ODF4: variants seen among roughly 807,000 people sequenced by gnomAD.
The protein encoded by ODF4 is outer dense fiber protein 4.
ODF4 carries 11 observed loss-of-function variants against 17.0 expected under a neutral mutation model. That is an observed-to-expected ratio of 0.65 (90% CI 0.41 to 1.07). ODF4 has a LOEUF of 1.07. Ranked by LOEUF, ODF4 falls within the 50% of genes least tolerant of loss-of-function variation. ODF4 has a pLI of 0.00. For missense variants in ODF4, 281 were observed against 310.2 expected (o/e 0.91, Z 0.71); for synonymous variants, 127 against 121.8 (o/e 1.04, Z -0.28).
rs1242662627 is a variant in ODF4, at chr17:8,345,257, G to A, written c.455-86G>A. 7.8e-7 allele frequency: 1 copy of A among 1,277,868 alleles called. No individual in the cohort carries two copies. The highest frequency in any genetic ancestry group is 1.1e-6 in the Non-Finnish European group (1 of 899,192). The allele number at this position is 1,277,868 out of a possible 1,614,324, so 79.2% of individuals were successfully genotyped here. ...CAGTCACTCTGTGTGTGGTGATGTG[G>A]TTTGTGGCTGTAGCCTAGCAGATGA... On this transcript the variant is annotated intron_variant, in intron 1 of 2. Coordinates refer to ENST00000328248, the MANE Select transcript of ODF4 (RefSeq NM_153007.5). The surrounding 1 kb of genome is among the most constrained non-coding windows in gnomAD (Gnocchi z 4.1).
chr17:8,343,815 AGTGTGTGTGT>A lies in ODF4; in HGVS notation c.455-1503_455-1494del, dbSNP rs61128515. Reference sequence around the variant, plus strand: ...AGGTGTGAGCCACCGCACCCAGCCAAGTGTGTGTGTGTGTGTGTGTGTGTGTGTGTGTGTC... The same window carrying A: ...AGGTGTGAGCCACCGCACCCAGCCAAGTGTGTGTGTGTGTGTGTGTGTGTC... On this transcript the variant is annotated intron_variant, in intron 1 of 2. Transcript: ENST00000328248. Among the ~76,000 whole-genome samples, 4 of 90,630 alleles carry A rather than the reference AGTGTGTGTGT, an allele frequency of 4.4e-5. 1 individual carries two copies. Among genetic ancestry groups the A allele is most frequent in the Non-Finnish European group, 2.2e-5 (1 of 45,660 alleles). 59.5% of individuals were successfully genotyped at this position (90,630 alleles called of 152,430 possible).
intron 1 of ODF4, among the ~76,000 whole-genome samples, chr17:8,341,066 C>T (rs1388117737): frequency 3.3e-5 from 5 of 151,742 alleles, no homozygotes; most frequent in Non-Finnish European, 7.4e-5. Flanking sequence ...GGCACATGCC[C>T]GTAATCCCAG....
At position 8,340,131 on chromosome 17, in the gene ODF4, G is replaced by C; in HGVS notation, c.80G>C (p.Arg27Thr). 1.3e-6 allele frequency: 2 copies of C among 1,558,370 alleles called. No individual in the cohort carries two copies. The highest frequency in any genetic ancestry group is 1.7e-6 in the Non-Finnish European group (2 of 1,154,386). The stretch of plus-strand genomic sequence containing the variant: ...CAACATCAGAGACCTGGAAAGGAAA[G>C]GAAGAGTGGGGAGGCAGGATGGGGC... ...RDQHQRPGKERKSGEAGWGTG... is the reference protein window; with the variant it reads ...RDQHQRPGKETKSGEAGWGTG... Residue 27 changes from arginine (R) to threonine (T), a missense_variant, in exon 1 of 3, where the codon AGG becomes ACG. Arg to Thr is a moderately conservative substitution (Grantham distance 71). Coordinates refer to ENST00000328248, the MANE Select transcript of ODF4 (RefSeq NM_153007.5).
chr17:8,342,333 C>G (rs1344855389), intron 1 of ODF4, among the ~76,000 whole-genome samples: 1 of 152,116 alleles, frequency 6.6e-6, no homozygotes. Flanking sequence ...ACCTCTGCCT[C>G]CCGGTTTCAA....
At position 8,339,958 on chromosome 17, in the gene ODF4, C is replaced by T. The variant is rs1905936362; in HGVS notation, c.-94C>T. Reference sequence around the variant, plus strand: ...TCATTCTTTCTCAGACCTCAGGCTGCATGGTGGCAGCTGATGAAAATATCC... The same window carrying T: ...TCATTCTTTCTCAGACCTCAGGCTGTATGGTGGCAGCTGATGAAAATATCC... On this transcript the variant is annotated 5_prime_UTR_variant, in exon 1 of 3. Transcript: ENST00000328248. The T allele has an allele frequency of 1.3e-6, 1 of 743,322 alleles. No individual in the cohort carries two copies. 46.0% of individuals were successfully genotyped at this position (743,322 alleles called of 1,614,324 possible).
Position 8,345,439 on chromosome 17 carries a change from T to C in ODF4, c.551T>C (p.Phe184Ser). The change falls in exon 2 of 3, where the codon TTC becomes TCC. Residue 184 changes from phenylalanine (F) to serine (S), a missense_variant. Phe to Ser is a radical substitution (Grantham distance 155). Transcript: ENST00000328248. The surrounding 1 kb of genome is among the most constrained non-coding windows in gnomAD (Gnocchi z 4.1). ...TCCATCCCCATAGGCTGGAGCTATTTCATTGGTTGGCTGGTGCTTATCCTA... is the reference window on the plus strand; with the variant it reads ...TCCATCCCCATAGGCTGGAGCTATTCCATTGGTTGGCTGGTGCTTATCCTA... ...NVSIPIGWSYFIGWLVLILYF... is the reference protein window; with the variant it reads ...NVSIPIGWSYSIGWLVLILYF... 2 of 1,614,110 alleles carry C rather than the reference T, an allele frequency of 1.2e-6. No individual in the cohort carries two copies. The highest frequency in any genetic ancestry group is 1.1e-5 in the South Asian group (1 of 91,080).
Position 8,345,534 on chromosome 17 carries a change from A to G in ODF4, c.589+57A>G, listed in dbSNP as rs528306432. ...GCGACATGGGTAGGGTAGGGCAGGGAAAGTGTGGAGGGAAGAGGCTGGCAA... is the reference window on the plus strand; with the variant it reads ...GCGACATGGGTAGGGTAGGGCAGGGGAAGTGTGGAGGGAAGAGGCTGGCAA... On this transcript the variant is annotated intron_variant, in intron 2 of 2. Coordinates refer to ENST00000328248, the MANE Select transcript of ODF4 (RefSeq NM_153007.5). This position sits in a 1 kb window ranked among gnomAD's most constrained non-coding sequence, Gnocchi z 4.1. 4.4e-6 allele frequency: 7 copies of G among 1,593,942 alleles called. No individual in the cohort carries two copies. Among genetic ancestry groups the G allele is most frequent in the African/African-American group, 1.3e-5 (1 of 74,448 alleles).
Position 8,340,183 on chromosome 17 carries a change from A to G in ODF4, c.132A>G (p.Arg44=), listed in dbSNP as rs976135009. 2 of 1,604,636 alleles carry G rather than the reference A, an allele frequency of 1.2e-6. No individual in the cohort carries two copies. The highest frequency in any genetic ancestry group is 1.7e-6 in the Non-Finnish European group (2 of 1,174,336). The change falls in exon 1 of 3, where the codon AGA becomes AGG. Residue 44 remains arginine, a synonymous_variant. Transcript: ENST00000328248. ...WGTGELGQDG[R]LLSSTLSLSS... is the part of the protein sequence containing the mutation. The stretch of plus-strand genomic sequence containing the variant: ...CAGGTGAGCTGGGACAAGATGGGAG[A>G]CTGCTGTCCTCCACCCTCTCCCTCA...
chr17:8,342,234 G>C (rs1435037472), intron 1 of ODF4, among the ~76,000 whole-genome samples: 1 of 143,996 alleles, frequency 6.9e-6, no homozygotes, highest in East Asian at 2.0e-4. Context: ...AGACAGCCAG[G>C]CTTTTTATTT....
intron 1 of ODF4, among the ~76,000 whole-genome samples, chr17:8,342,179 G>A (rs745766176): frequency 6.6e-6 from 1 of 152,302 alleles, no homozygotes; most frequent in South Asian, 2.1e-4. Flanking sequence ...AGGTGTGCCT[G>A]GCTCTAAAAC....
chr17:8,340,526 TC>T, intron 1 of ODF4, 21 bp downstream of exon 1: 1 of 1,504,416 alleles, frequency 6.6e-7, no homozygotes, highest in Non-Finnish European at 9.2e-7. Flanking sequence ...CCACCCCCCA[TC>T]CCAGCCCAGG....
intron 1 of ODF4, chr17:8,344,776 C>T (rs112337502): frequency 5.7e-5 from 42 of 742,692 alleles, no homozygotes; most frequent in Middle Eastern, 6.9e-4. Context: ...CGTGAGTCAC[C>T]GCGCCTGGCG....
Position 8,339,878 on chromosome 17 carries a change from G to A in ODF4, c.-174G>A. 3 of 445,566 alleles carry A rather than the reference G, an allele frequency of 6.7e-6. No individual in the cohort carries two copies. The highest frequency in any genetic ancestry group is 7.1e-5 in the South Asian group (1 of 14,062). 27.6% of individuals were successfully genotyped at this position (445,566 alleles called of 1,614,324 possible). On this transcript the variant is annotated 5_prime_UTR_variant, in exon 1 of 3. Coordinates refer to ENST00000328248, the MANE Select transcript of ODF4 (RefSeq NM_153007.5). ...GACCTGGCCTGCTGAATGGGTTGGG[G>A]CCTTCTCTTGGATCAAGAGTCTCTT...
In ODF4 at chr17:8,340,161, G is replaced by A. The variant is rs776113515; in HGVS notation, c.110G>A (p.Gly37Asp). Residue 37 changes from glycine (G) to aspartate (D), a missense_variant, in exon 1 of 3, where the codon GGT becomes GAT. By Grantham distance (94) the Gly-to-Asp change is moderately conservative (BLOSUM62 -1). Coordinates refer to ENST00000328248, the MANE Select transcript of ODF4 (RefSeq NM_153007.5). ...AGTGGGGAGGCAGGATGGGGCACAG[G>A]TGAGCTGGGACAAGATGGGAGACTG... ...RKSGEAGWGT[G>D]ELGQDGRLLS... The A allele has an allele frequency of 6.3e-7, 1 of 1,593,826 alleles. No individual in the cohort carries two copies. Among genetic ancestry groups the A allele is most frequent in the Non-Finnish European group, 8.6e-7 (1 of 1,169,362 alleles).
rs750256506 is a variant in ODF4, at chr17:8,344,482, C to A, written c.455-861C>A. 3.9e-5 allele frequency among the ~76,000 whole-genome samples: 5 copies of A among 126,820 alleles called. 2 individuals are homozygous for A. The highest frequency in any genetic ancestry group is 8.4e-5 in the Non-Finnish European group (5 of 59,320). 83.2% of individuals were successfully genotyped at this position (126,820 alleles called of 152,430 possible). On this transcript the variant is annotated intron_variant, in intron 1 of 2. Coordinates refer to ENST00000328248, the MANE Select transcript of ODF4 (RefSeq NM_153007.5). ...TTCTCTGATTATTAATGGGTCTGTA[C>A]ATTTTCTTTCTGTCTTTTTTGTTTT...
Position 8,345,338 on chromosome 17 carries a change from C to T in ODF4, c.455-5C>T, listed in dbSNP as rs1259176332. 3 of 1,612,906 alleles carry T rather than the reference C, an allele frequency of 1.9e-6. No individual in the cohort carries two copies. The African/African-American group carries it at 4.0e-5, about 22-fold the overall frequency. ...CAATGAGACCCTCTGCCTCCTGTCT[C>T]CTAGTCACCTTCATCTTCTCCACCC... On this transcript the variant is annotated splice_region_variant and splice_polypyrimidine_tract_variant and intron_variant, in intron 1 of 2. Transcript: ENST00000328248. The surrounding 1 kb of genome is among the most constrained non-coding windows in gnomAD (Gnocchi z 4.1).
chr17:8,345,389 G>C lies in ODF4; in HGVS notation c.501G>C (p.Trp167Cys). 6.2e-7 allele frequency: 1 copy of C among 1,613,674 alleles called. No individual in the cohort carries two copies. The highest frequency in any genetic ancestry group is 1.3e-5 in the African/African-American group (1 of 74,990). ...STLMLFPINI[W>C]IFELERNVSI... is the part of the protein sequence containing the mutation. ...TCATGCTATTCCCCATTAACATCTG[G>C]ATCTTCGAGTTGGAAAGGAATGTAT... The change falls in exon 2 of 3, where the codon TGG becomes TGC. Residue 167 changes from tryptophan (W) to cysteine (C), a missense_variant. Physicochemically the swap from Trp to Cys is radical, Grantham distance 215 (BLOSUM62 -2). Transcript: ENST00000328248. The surrounding 1 kb of genome is among the most constrained non-coding windows in gnomAD (Gnocchi z 4.1).
intron 1 of ODF4, chr17:8,344,956 T>TC: frequency 9.9e-7 from 1 of 1,014,298 alleles, no homozygotes; most frequent in Non-Finnish European, 1.2e-6. Context: ...GGCCTCGTCC[T>TC]CACCATCTGG....
In ODF4 at chr17:8,345,322, C is replaced by A. The variant is rs769936527; in HGVS notation, c.455-21C>A. ...TGGGACTCTTGTATGACAATGAGAC[C>A]CTCTGCCTCCTGTCTCCTAGTCACC... On this transcript the variant is annotated intron_variant, in intron 1 of 2. Transcript: ENST00000328248. This position sits in a 1 kb window ranked among gnomAD's most constrained non-coding sequence, Gnocchi z 4.1. 1.2e-6 allele frequency: 2 copies of A among 1,608,010 alleles called. No homozygotes were observed. The highest frequency in any genetic ancestry group is 1.7e-6 in the Non-Finnish European group (2 of 1,176,124).
Sources: allele counts gnomAD v4.1 joint callset (sites outside exome capture counted in the v4.1 genomes callset), GRCh38; gene constraint gnomAD v4.1.1; non-coding constraint Gnocchi (gnomAD v3.1); transcripts MANE v1.5; gene names NCBI Gene and HGNC (gene_info 2026-07-23, HGNC 2026-07-21).